RAI14: variants seen among roughly 807,000 people sequenced by gnomAD.
The protein encoded by RAI14 is retinoic acid induced 14, also known as ankycorbin.
Under a neutral mutation model 115.4 loss-of-function variants are expected in RAI14, and 45 were observed. The ratio of observed to expected loss-of-function variants is 0.39; its 90% confidence interval spans 0.31 to 0.50. RAI14 has a LOEUF of 0.50. Among genes scored for constraint, RAI14 ranks in the 20% least tolerant of loss-of-function variants. The pLI, the probability that RAI14 is intolerant of heterozygous loss-of-function variation, is 0.85. For missense variants in RAI14, 939 were observed against 1,131.2 expected (o/e 0.83, Z 2.44); for synonymous variants, 371 against 415.4 (o/e 0.89, Z 1.30).
chr5:34,784,099 C>G (rs1484246441), intron 3 of RAI14, among the ~76,000 whole-genome samples: 1 of 152,210 alleles, frequency 6.6e-6, no homozygotes, highest in Non-Finnish European at 1.5e-5. Context: ...TTGGGCGTCG[C>G]TGGATAATAG....
At chr5:34,715,376 G>A (rs1342818634) in intron 2 of RAI14, among the ~76,000 whole-genome samples, 1 of 152,154 alleles carries the variant, frequency 6.6e-6, no homozygotes, top group Admixed American at 6.5e-5. Flanking sequence ...TTTGGGTCCA[G>A]TTGGTCTTAG....
At chr5:34,708,650 GT>G (rs551279357) in intron 2 of RAI14, among the ~76,000 whole-genome samples, 11 of 152,226 alleles carry the variant, frequency 7.2e-5, no homozygotes, top group African/African-American at 2.6e-4. Context: ...TATTCCATAG[GT>G]TGTGGGTATC....
At chr5:34,669,146 C>T (rs1743443574) in intron 1 of RAI14, among the ~76,000 whole-genome samples, 1 of 152,244 alleles carries the variant, frequency 6.6e-6, no homozygotes, top group South Asian at 2.1e-4. Context: ...TGAGCCACCA[C>T]ACCCAGCCAG....
intron 4 of RAI14, among the ~76,000 whole-genome samples, chr5:34,802,512 C>T (rs1445775044): frequency 6.6e-6 from 1 of 152,088 alleles, no homozygotes; most frequent in Non-Finnish European, 1.5e-5. Context: ...TGACCCTCTC[C>T]CCAGGTCCCC....
At chr5:34,694,601 C>T (rs1182821179) in intron 2 of RAI14, among the ~76,000 whole-genome samples, 1 of 152,174 alleles carries the variant, frequency 6.6e-6, no homozygotes, top group Non-Finnish European at 1.5e-5. Flanking sequence ...GAAGCACTGC[C>T]TGAAAGGATT....
rs1361311855 is a variant in RAI14, at chr5:34,755,179, AC to A, written c.37-2288del. Among the ~76,000 whole-genome samples, 5 of 151,164 alleles carry A rather than the reference AC, an allele frequency of 3.3e-5. No homozygotes were observed. The East Asian group carries it at 9.6e-4, about 29-fold the overall frequency. ...TTGATCATTTGCTGTAGTTGTTTGT[AC>A]AGTTGTTAAGTTACGCTTTCTATTC... is the stretch of plus-strand genomic sequence containing the variant. On this transcript the variant is annotated intron_variant, in intron 2 of 17. Coordinates refer to ENST00000265109, the MANE Select transcript of RAI14 (RefSeq NM_015577.3).
chr5:34,757,300 T>C (rs1748015634), intron 2 of RAI14, 168 bp from the exon 3 acceptor site: 2 of 762,402 alleles, frequency 2.6e-6, no homozygotes, highest in Non-Finnish European at 4.6e-6. Context: ...AGCGGCCTTC[T>C]TGGGTGTCTC....
chr5:34,659,778 G>A (rs1251867297), intron 1 of RAI14, among the ~76,000 whole-genome samples: 1 of 152,150 alleles, frequency 6.6e-6, no homozygotes, highest in African/African-American at 2.4e-5. Flanking sequence ...TAGGGTGCTT[G>A]TATGGTCTTG....
chr5:34,812,763 T>G (rs550165152), intron 10 of RAI14, among the ~76,000 whole-genome samples: 10 of 152,392 alleles, frequency 6.6e-5, no homozygotes, highest in African/African-American at 2.4e-4. Context: ...TTTTCTGAAA[T>G]GTACTAACTC....
chr5:34,754,481 G>T (rs1212163326), intron 2 of RAI14, among the ~76,000 whole-genome samples: 1 of 151,920 alleles, frequency 6.6e-6, no homozygotes, highest in Non-Finnish European at 1.5e-5. Context: ...TTCTGCTTTG[G>T]CCTCCCCAGT....
intron 3 of RAI14, among the ~76,000 whole-genome samples, chr5:34,781,498 C>T (rs569011577): frequency 1.3e-5 from 2 of 152,162 alleles, no homozygotes; most frequent in Non-Finnish European, 2.9e-5. Context: ...AAAGAACTAC[C>T]TCAGAGGGCT....
intron 12 of RAI14, among the ~76,000 whole-genome samples, chr5:34,817,819 G>A (rs192735483): frequency 2.0e-5 from 3 of 152,250 alleles, no homozygotes; most frequent in African/African-American, 7.2e-5. Flanking sequence ...GGAATGATGC[G>A]GGCAAGGACT....
intron 1 of RAI14, among the ~76,000 whole-genome samples, chr5:34,670,656 C>G (rs746470215): frequency 1.4e-4 from 22 of 152,162 alleles, no homozygotes; most frequent in Non-Finnish European, 2.9e-4. Flanking sequence ...TTATTGTTAA[C>G]ACATCTGCCT....
At chr5:34,678,297 AGTGCCAT>A (rs1303630191) in intron 1 of RAI14, among the ~76,000 whole-genome samples, 2 of 152,160 alleles carry the variant, frequency 1.3e-5, no homozygotes, top group African/African-American at 4.8e-5. Context: ...ACAGCATGAT[AGTGCCAT>A]GTTCTGAGTT....
At chr5:34,813,744 T>G in intron 11 of RAI14, 84 bp downstream of exon 11, 1 of 1,174,792 alleles carries the variant, frequency 8.5e-7, no homozygotes, top group Non-Finnish European at 1.2e-6. Flanking sequence ...CAAAAAGGAA[T>G]GTTTTAGAAC....
At chr5:34,666,151 G>A (rs1021240065) in intron 1 of RAI14, among the ~76,000 whole-genome samples, 31 of 152,198 alleles carry the variant, frequency 2.0e-4, no homozygotes, top group African/African-American at 7.0e-4. Context: ...TTAACAGGAA[G>A]GAATGGAGAT....
At chr5:34,725,363 T>A (rs1743310520) in intron 2 of RAI14, among the ~76,000 whole-genome samples, 1 of 152,032 alleles carries the variant, frequency 6.6e-6, no homozygotes, top group Admixed American at 6.6e-5. Flanking sequence ...AAGAATTGAA[T>A]TTTCATTCTA....
chr5:34,665,578 T>C (rs1197735653), intron 1 of RAI14, among the ~76,000 whole-genome samples: 1 of 151,064 alleles, frequency 6.6e-6, no homozygotes, highest in Non-Finnish European at 1.5e-5. Context: ...TCGTGAGGCA[T>C]AGATGGACAC....
Position 34,757,526 on chromosome 5 carries a change from C to T in RAI14, c.95C>T (p.Ala32Val), listed in dbSNP as rs769698080. Reference sequence around the variant, plus strand: ...CTGCAGGCCGTGGAGAATGGAGATGCGGAGAAGGTGGCCTCACTGCTCGGC... The same window carrying T: ...CTGCAGGCCGTGGAGAATGGAGATGTGGAGAAGGTGGCCTCACTGCTCGGC... ...RLLQAVENGD[A>V]EKVASLLGKK... is the part of the protein sequence containing the mutation. The change falls in exon 3 of 18, where the codon GCG (alanine) becomes GTG (valine). Residue 32 changes from alanine (A) to valine (V), a missense_variant. Physicochemically the swap from Ala to Val is moderately conservative, Grantham distance 64. Transcript: ENST00000265109. 19 of 1,613,728 alleles carry T rather than the reference C, an allele frequency of 1.2e-5. No individual in the cohort carries two copies. The highest frequency in any genetic ancestry group is 3.3e-4 in the Middle Eastern group (2 of 6,084).
Sources: allele counts gnomAD v4.1 joint callset (sites outside exome capture counted in the v4.1 genomes callset), GRCh38; gene constraint gnomAD v4.1.1; transcripts MANE v1.5; gene names NCBI Gene and HGNC (gene_info 2026-07-23, HGNC 2026-07-21).